Variants in RIPK2 observed in about 807,000 individuals in gnomAD.
RIPK2 encodes the protein receptor-interacting serine/threonine-protein kinase 2.
In RIPK2, 38 loss-of-function variants were observed where a neutral mutation model predicts 60.9. The observed-to-expected ratio is 0.62, with a 90% CI of 0.48 to 0.82. RIPK2 has a LOEUF of 0.82. Among genes scored for constraint, RIPK2 ranks in the 40% least tolerant of loss-of-function variants. RIPK2 has a pLI of 0.00. For missense variants in RIPK2, 518 were observed against 647.0 expected, an observed-to-expected ratio of 0.80 and a Z score of 2.16; for synonymous variants, 225 against 223.4, an observed-to-expected ratio of 1.01 and a Z score of -0.06.
In RIPK2 at chr8:89,770,917, T is replaced by C. The variant is rs566486341; in HGVS notation, c.642-824T>C. On this transcript the variant is annotated intron_variant, in intron 4 of 10. Coordinates refer to ENST00000220751, the MANE Select transcript of RIPK2 (RefSeq NM_003821.6). ...TTTTATATTTTGTTTTCTGATATTT[T>C]TAATTCATTCTGAATGATGTACTGA... 2.0e-5 allele frequency among the ~76,000 whole-genome samples: 3 copies of C among 151,974 alleles called. No homozygotes were observed. In the East Asian group the frequency reaches 5.8e-4, roughly 29 times the overall value.
At chr8:89,770,569 G>T (rs56118532) in intron 4 of RIPK2, among the ~76,000 whole-genome samples, 8,818 of 151,832 alleles carry the variant, frequency 0.058, 779 homozygotes, top group African/African-American at 0.19. Context: ...TCATGTATAA[G>T]TTACTCTTAT....
At chr8:89,761,898 T>G (rs1449233271) in intron 1 of RIPK2, among the ~76,000 whole-genome samples, 1 of 152,078 alleles carries the variant, frequency 6.6e-6, no homozygotes, top group Non-Finnish European at 1.5e-5. Flanking sequence ...CATTAAACAA[T>G]TCACAATTTC....
intron 5 of RIPK2, among the ~76,000 whole-genome samples, chr8:89,772,261 T>G (rs1022388348): frequency 2.0e-5 from 3 of 152,128 alleles, no homozygotes; most frequent in Admixed American, 6.6e-5. Flanking sequence ...TTTCTTTATT[T>G]TGAGGTTTGT....
chr8:89,765,809 A>T (rs1809218877), intron 3 of RIPK2, among the ~76,000 whole-genome samples: 1 of 151,650 alleles, frequency 6.6e-6, no homozygotes, highest in African/African-American at 2.4e-5. Flanking sequence ...GAAGTTGCAA[A>T]GGTAATAAAG....
Position 89,790,362 on chromosome 8 carries a change from A to C in RIPK2, c.1569A>C (p.Ile523=). The stretch of plus-strand genomic sequence containing the variant: ...TGGGTCTTCAGCCTTACCCGGAAAT[A>C]CTTGTGGTTTCTAGATCACCATCTT... ...KQMGLQPYPE[I]LVVSRSPSLN... is the part of the protein sequence containing the mutation. The change falls in exon 11 of 11, where the codon ATA becomes ATC. Residue 523 remains isoleucine (I), a synonymous_variant. Coordinates refer to ENST00000220751, the MANE Select transcript of RIPK2 (RefSeq NM_003821.6). The C allele has an allele frequency of 6.2e-7, 1 of 1,611,654 alleles. No individual in the cohort carries two copies.
intron 9 of RIPK2, among the ~76,000 whole-genome samples, chr8:89,788,279 G>A (rs1269409649): frequency 6.6e-6 from 1 of 151,958 alleles, no homozygotes; most frequent in Non-Finnish European, 1.5e-5. Context: ...GGAGGCAGGG[G>A]TTGCAGTGAG....
chr8:89,764,766 GATAA>G (rs1809198982), intron 2 of RIPK2, among the ~76,000 whole-genome samples: 3 of 152,036 alleles, frequency 2.0e-5, no homozygotes, highest in Admixed American at 6.6e-5. Context: ...CTGGAATGCA[GATAA>G]ATTAATTATA....
At chr8:89,781,354 A>ATTTTTTTTTTTCTTTTTTTTT (rs1161497561) in intron 7 of RIPK2, among the ~76,000 whole-genome samples, 19 of 144,032 alleles carry the variant, frequency 1.3e-4, no homozygotes, top group African/African-American at 4.4e-4. Flanking sequence ...AATAGATTGA[A>ATTTTTTTTTTTCTTTTTTTTT]TTTTTTTTTT....
At chr8:89,774,524 A>G (rs768459812) in intron 6 of RIPK2, among the ~76,000 whole-genome samples, 23 of 152,200 alleles carry the variant, frequency 1.5e-4, no homozygotes, top group Non-Finnish European at 2.9e-4. Context: ...CATACAACCA[A>G]GCAATCCACT....
chr8:89,785,383 G>A (rs947122750), intron 8 of RIPK2, among the ~76,000 whole-genome samples: 6 of 151,992 alleles, frequency 3.9e-5, no homozygotes, highest in African/African-American at 1.4e-4. Flanking sequence ...GTTGAGGCAG[G>A]AGAATTGCTT....
chr8:89,783,055 G>A (rs419181), intron 7 of RIPK2, among the ~76,000 whole-genome samples: 3,640 of 152,242 alleles, frequency 0.024, 62 homozygotes, highest in Non-Finnish European at 0.035. Flanking sequence ...CCTGTGCTAG[G>A]TACATTATAT....
intron 1 of RIPK2, 152 bp downstream of exon 1, chr8:89,758,385 A>G (rs1809086864): frequency 4.1e-6 from 3 of 733,820 alleles, no homozygotes. Flanking sequence ...CTTGGGAGAT[A>G]GGGAGCACCC....
chr8:89,762,658 G>C (rs1358927034), intron 1 of RIPK2, among the ~76,000 whole-genome samples, 171 bp from the exon 2 acceptor site: 1 of 152,084 alleles, frequency 6.6e-6, no homozygotes, highest in South Asian at 2.1e-4. Flanking sequence ...GAATATATAG[G>C]GTAGGTATTA....
chr8:89,779,892 T>C (rs1018277861), intron 6 of RIPK2, among the ~76,000 whole-genome samples, 183 bp from the exon 7 acceptor site: 3 of 152,230 alleles, frequency 2.0e-5, no homozygotes, highest in African/African-American at 4.8e-5. Context: ...GTTTTTAGAT[T>C]CTCAACACTA....
In RIPK2 at chr8:89,790,669, T is replaced by C. The variant is rs201813591; in HGVS notation, c.*253T>C. On this transcript the variant is annotated 3_prime_UTR_variant, in exon 11 of 11. Coordinates refer to ENST00000220751, the MANE Select transcript of RIPK2 (RefSeq NM_003821.6). The stretch of plus-strand genomic sequence containing the variant: ...CACTTTTAAAGGATAGTAATTATTC[T>C]TGTTTATAACAGTGCCTTAAGGTAT... 6.5e-5 allele frequency: 23 copies of C among 355,350 alleles called. No individual in the cohort carries two copies. Among genetic ancestry groups the C allele is most frequent in the Middle Eastern group, 1.7e-3 (2 of 1,208 alleles). 22.0% of individuals were successfully genotyped at this position (355,350 alleles called of 1,614,324 possible). A position where few individuals can be genotyped will look rare whatever the true frequency, so the allele number is the denominator to read the frequency against.
intron 10 of RIPK2, among the ~76,000 whole-genome samples, 173 bp from the exon 11 acceptor site, chr8:89,789,906 A>G (rs1308583283): frequency 2.0e-5 from 3 of 152,188 alleles, no homozygotes; most frequent in East Asian, 1.9e-4. Context: ...AGATAACCCA[A>G]ATCTCTGAAT....
intron 2 of RIPK2, among the ~76,000 whole-genome samples, chr8:89,765,034 T>C (rs746902495): frequency 3.3e-5 from 5 of 152,040 alleles, no homozygotes; most frequent in Non-Finnish European, 7.4e-5. Context: ...TCTGGCTATA[T>C]ACAGATACAA....
intron 4 of RIPK2, among the ~76,000 whole-genome samples, chr8:89,770,682 T>G (rs538765577): frequency 4.3e-4 from 65 of 151,812 alleles, no homozygotes; most frequent in Admixed American, 1.6e-3. Flanking sequence ...AATAAATAAT[T>G]TGTTAATGAA....
At chr8:89,763,552 A>T (rs1809179288) in intron 2 of RIPK2, among the ~76,000 whole-genome samples, 2 of 152,154 alleles carry the variant, frequency 1.3e-5, no homozygotes, top group African/African-American at 2.4e-5. Context: ...CTCAAAATAC[A>T]TGTATTCATT....
Sources: allele counts gnomAD v4.1 joint callset (sites outside exome capture counted in the v4.1 genomes callset), GRCh38; gene constraint gnomAD v4.1.1; transcripts MANE v1.5; gene names NCBI Gene and HGNC (gene_info 2026-07-23, HGNC 2026-07-21).